The following ELP4 variants were observed in gnomAD, a reference collection of about 807,000 sequenced individuals.
The protein encoded by ELP4 is elongator acetyltransferase complex subunit 4.
ELP4 carries 51 observed loss-of-function variants against 48.9 expected under a neutral mutation model. The observed-to-expected ratio is 1.04, with a 90% CI of 0.83 to 1.32. The LOEUF is 1.32. ELP4 is among the 40% of genes most tolerant of loss of function. ELP4 has a pLI of 0.00. For missense variants in ELP4, 519 were observed against 514.6 expected (o/e 1.01, Z -0.08); for synonymous variants, 210 against 189.2 (o/e 1.11, Z -0.90).
At chr11:31,764,234 C>A (rs528039953) in intron 9 of ELP4, among the ~76,000 whole-genome samples, 2 of 152,112 alleles carry the variant, frequency 1.3e-5, no homozygotes, top group Non-Finnish European at 2.9e-5. Context: ...GTCCTGACAC[C>A]GTTTGAAATA....
chr11:31,685,911 A>G (rs543725854), intron 9 of ELP4, among the ~76,000 whole-genome samples: 4 of 150,644 alleles, frequency 2.7e-5, no homozygotes, highest in Admixed American at 6.7e-5. Flanking sequence ...AGCCTGGACA[A>G]CAGACTGAGA....
intron 9 of ELP4, among the ~76,000 whole-genome samples, chr11:31,686,672 G>C (rs1159968126): frequency 6.6e-6 from 1 of 152,104 alleles, no homozygotes; most frequent in African/African-American, 2.4e-5. Flanking sequence ...CTTGAGCCCA[G>C]TTCAAGACCA....
intron 9 of ELP4, among the ~76,000 whole-genome samples, chr11:31,765,968 A>G (rs1307005172): frequency 2.0e-5 from 3 of 152,120 alleles, no homozygotes; most frequent in African/African-American, 7.2e-5. Flanking sequence ...CAAAAAGTTA[A>G]TATTCTTTTT....
intron 6 of ELP4, among the ~76,000 whole-genome samples, chr11:31,629,701 T>C (rs1358037142): frequency 2.0e-5 from 3 of 151,932 alleles, no homozygotes; most frequent in Non-Finnish European, 2.9e-5. Flanking sequence ...TTCTGAAATG[T>C]TAACAGAGAA....
intron 9 of ELP4, among the ~76,000 whole-genome samples, chr11:31,710,933 G>A (rs1271715730): frequency 6.6e-6 from 1 of 152,174 alleles, no homozygotes; most frequent in Non-Finnish European, 1.5e-5. Context: ...AGATGGGGAG[G>A]TAACTATGAG....
intron 9 of ELP4, among the ~76,000 whole-genome samples, chr11:31,775,522 G>A (rs1948226459): frequency 6.6e-6 from 1 of 152,174 alleles, no homozygotes. Flanking sequence ...GAGGTTATGA[G>A]TACCCAGAGC....
At chr11:31,510,084 C>A in intron 1 of ELP4, 77 bp downstream of exon 1, 1 of 1,364,274 alleles carries the variant, frequency 7.3e-7, no homozygotes, top group Non-Finnish European at 1.0e-6. Flanking sequence ...CCACTTTGAC[C>A]CCACATCTCT....
intron 9 of ELP4, among the ~76,000 whole-genome samples, chr11:31,712,202 G>C (rs959083732): frequency 3.3e-5 from 5 of 151,864 alleles, no homozygotes; most frequent in Admixed American, 1.3e-4. Context: ...CAACAGAATT[G>C]TGTACGTTTG....
chr11:31,554,210 C>T (rs936373568), intron 3 of ELP4, among the ~76,000 whole-genome samples: 1 of 152,116 alleles, frequency 6.6e-6, no homozygotes, highest in African/African-American at 2.4e-5. Context: ...ATAAAATGCA[C>T]AATAAATGTA....
chr11:31,731,227 A>G (rs1947179385), intron 9 of ELP4, among the ~76,000 whole-genome samples: 1 of 152,240 alleles, frequency 6.6e-6, no homozygotes, highest in Admixed American at 6.5e-5. Flanking sequence ...ATAAATTTCC[A>G]GAAACAAACC....
At chr11:31,542,547 G>A (rs1224986418) in intron 3 of ELP4, among the ~76,000 whole-genome samples, 1 of 152,186 alleles carries the variant, frequency 6.6e-6, no homozygotes, top group Non-Finnish European at 1.5e-5. Flanking sequence ...GAGGCATCAG[G>A]TGGAGTATTT....
intron 9 of ELP4, among the ~76,000 whole-genome samples, chr11:31,661,446 T>G (rs1945553067): frequency 6.6e-6 from 1 of 152,068 alleles, no homozygotes; most frequent in Non-Finnish European, 1.5e-5. Context: ...TGCCATACTT[T>G]AGTACACGGA....
chr11:31,627,093 A>G lies in ELP4; in HGVS notation c.654-17A>G. On this transcript the variant is annotated splice_polypyrimidine_tract_variant and intron_variant, in intron 5 of 9. Transcript: ENST00000640961. ...AATAACCCATTTATGTATTTGAACCACTTCTTTTACCAACAGTTCTTTGAC... is the reference window on the plus strand; with the variant it reads ...AATAACCCATTTATGTATTTGAACCGCTTCTTTTACCAACAGTTCTTTGAC... 1 of 1,543,110 alleles carries G rather than the reference A, an allele frequency of 6.5e-7. No individual in the cohort carries two copies. Among genetic ancestry groups the G allele is most frequent in the African/African-American group, 1.4e-5 (1 of 73,354 alleles).
At chr11:31,529,115 G>GA (rs35149633) in intron 2 of ELP4, among the ~76,000 whole-genome samples, 5,619 of 124,472 alleles carry the variant, frequency 0.045, 146 homozygotes, top group South Asian at 0.13. Flanking sequence ...GACTCCGTCT[G>GA]AAAAAAAAAA....
intron 9 of ELP4, among the ~76,000 whole-genome samples, chr11:31,764,293 C>A (rs1308944731): frequency 1.3e-5 from 2 of 152,194 alleles, no homozygotes; most frequent in Admixed American, 6.5e-5. Flanking sequence ...TGCTTGAAGA[C>A]AACCTTTGAA....
intron 2 of ELP4, among the ~76,000 whole-genome samples, chr11:31,523,720 A>C (rs912523567): frequency 2.6e-5 from 4 of 151,286 alleles, no homozygotes; most frequent in Non-Finnish European, 5.9e-5. Flanking sequence ...TAATAAAATC[A>C]AAAATTGATT....
chr11:31,698,152 G>T (rs1312623112), intron 9 of ELP4, among the ~76,000 whole-genome samples: 1 of 151,816 alleles, frequency 6.6e-6, no homozygotes, highest in Non-Finnish European at 1.5e-5. Flanking sequence ...AGTCTAATCT[G>T]GTATAAAATA....
intron 9 of ELP4, among the ~76,000 whole-genome samples, chr11:31,757,858 A>G (rs1317042703): frequency 2.6e-5 from 4 of 152,190 alleles, no homozygotes; most frequent in East Asian, 3.9e-4. Context: ...GTATTTCTAT[A>G]TAAATGTGTG....
intron 9 of ELP4, among the ~76,000 whole-genome samples, chr11:31,763,023 ATAAG>A (rs904948359): frequency 7.9e-5 from 12 of 151,980 alleles, no homozygotes; most frequent in South Asian, 2.1e-4. Context: ...ATAACAAAAG[ATAAG>A]TAAGCTCAGA....
Sources: gnomAD v4.1 joint callset for allele counts (sites outside exome capture counted in the v4.1 genomes callset) on GRCh38, gnomAD v4.1.1 for gene constraint, MANE v1.5 for transcripts, NCBI Gene and HGNC (gene_info 2026-07-23, HGNC 2026-07-21) for gene names.